SLC39A11: variants seen among roughly 807,000 people sequenced by gnomAD.
SLC39A11 encodes zinc transporter ZIP11.
SLC39A11 carries 33 observed loss-of-function variants against 36.1 expected under a neutral mutation model. The observed-to-expected ratio is 0.91, with a 90% CI of 0.69 to 1.22. The LOEUF (loss-of-function observed/expected upper bound fraction) is 1.22, where lower values mean the gene tolerates loss of function less well. Among genes scored for constraint, SLC39A11 ranks in the 50% most tolerant of loss-of-function variants. The probability of loss-of-function intolerance (pLI) is 0.00; values close to 1 mark genes in which losing one functional copy is unlikely to be tolerated. For synonymous variants in SLC39A11, 166 were observed against 170.3 expected, an observed-to-expected ratio of 0.97 and a Z score of 0.20; for missense variants, 432 against 430.3, an observed-to-expected ratio of 1.00 and a Z score of -0.03.
chr17:72,762,933 T>C (rs779798385), intron 6 of SLC39A11, among the ~76,000 whole-genome samples: 23 of 152,166 alleles, frequency 1.5e-4, no homozygotes, highest in African/African-American at 2.9e-4. Context: ...CGTAGACCAT[T>C]TGGGATGAGG....
At chr17:72,959,325 G>GTATATATATATATA (rs1186282631) in intron 4 of SLC39A11, among the ~76,000 whole-genome samples, 20 of 65,530 alleles carry the variant, frequency 3.1e-4, no homozygotes, top group South Asian at 6.1e-4. Flanking sequence ...GTGTGTGTGT[G>GTATATATATATATA]TATATATATA....
chr17:72,863,321 A>G (rs1027384359), intron 5 of SLC39A11, among the ~76,000 whole-genome samples: 1 of 151,800 alleles, frequency 6.6e-6, no homozygotes, highest in Non-Finnish European at 1.5e-5. Flanking sequence ...AATCTCCCCC[A>G]TTTACCAAGC....
intron 4 of SLC39A11, among the ~76,000 whole-genome samples, chr17:72,950,215 G>A (rs533422688): frequency 1.3e-5 from 2 of 152,322 alleles, no homozygotes; most frequent in South Asian, 2.1e-4. Context: ...ACACCCCCAT[G>A]TAACTTTGTC....
At chr17:72,941,355 C>G (rs1330450591) in intron 5 of SLC39A11, among the ~76,000 whole-genome samples, 2 of 152,160 alleles carry the variant, frequency 1.3e-5, no homozygotes, top group Non-Finnish European at 2.9e-5. Context: ...AGAAACCGAC[C>G]AATCTTGCCA....
intron 4 of SLC39A11, among the ~76,000 whole-genome samples, chr17:72,958,838 G>A (rs912991592): frequency 6.7e-6 from 1 of 149,104 alleles, no homozygotes; most frequent in Non-Finnish European, 1.5e-5. Flanking sequence ...GCGACAGAGC[G>A]AGACTCTGTC....
intron 5 of SLC39A11, among the ~76,000 whole-genome samples, chr17:72,945,933 A>G (rs1292730954): frequency 2.0e-5 from 3 of 152,206 alleles, no homozygotes; most frequent in Non-Finnish European, 2.9e-5. Context: ...CCACCAGCCC[A>G]TGGCCCTGAA....
At chr17:72,692,446 T>C (rs1008175982) in intron 7 of SLC39A11, among the ~76,000 whole-genome samples, 1 of 152,200 alleles carries the variant, frequency 6.6e-6, no homozygotes, top group African/African-American at 2.4e-5. Flanking sequence ...CACTTCCACA[T>C]GGCTGGGGAG....
chr17:72,798,228 C>T (rs2713986), intron 6 of SLC39A11, among the ~76,000 whole-genome samples: 128,907 of 151,920 alleles, frequency 0.85, 55,039 homozygotes, highest in African/African-American at 0.93. Context: ...CAAAGTACCA[C>T]AGACGGAGGG....
intron 3 of SLC39A11, among the ~76,000 whole-genome samples, chr17:73,081,655 ACACAC>A (rs527836400): frequency 0.039 from 5,778 of 146,286 alleles, 303 homozygotes; most frequent in East Asian, 0.2. Flanking sequence ...ACACACACAC[ACACAC>A]ACACACACAC....
chr17:72,870,812 C>T (rs2080573467), intron 5 of SLC39A11, among the ~76,000 whole-genome samples: 1 of 152,228 alleles, frequency 6.6e-6, no homozygotes, highest in Non-Finnish European at 1.5e-5. Flanking sequence ...GCAATCCCCT[C>T]TTCCCTGGCT....
At chr17:72,725,717 G>T (rs1184318823) in intron 7 of SLC39A11, 1 of 152,208 alleles carries the variant, frequency 6.6e-6, no homozygotes, top group African/African-American at 2.4e-5. Flanking sequence ...CTGTCTCTTT[G>T]TAAGGTGAGG....
intron 4 of SLC39A11, among the ~76,000 whole-genome samples, chr17:72,953,134 A>G (rs2085988012): frequency 6.6e-6 from 1 of 151,952 alleles, no homozygotes; most frequent in Non-Finnish European, 1.5e-5. Flanking sequence ...GGCATGAGGT[A>G]CCACCCACCC....
At chr17:72,677,563 T>C (rs1200712680) in intron 7 of SLC39A11, among the ~76,000 whole-genome samples, 7 of 140,096 alleles carry the variant, frequency 5.0e-5, no homozygotes, top group African/African-American at 5.2e-5. Flanking sequence ...AAATGGCATG[T>C]TTTTAACATC....
intron 7 of SLC39A11, among the ~76,000 whole-genome samples, chr17:72,705,065 G>A (rs1457885142): frequency 5.9e-5 from 9 of 152,202 alleles, no homozygotes; most frequent in Admixed American, 3.9e-4. Context: ...TATAATTTGA[G>A]CCTCTGGACC....
chr17:73,053,943 A>C (rs2059586560), intron 3 of SLC39A11, among the ~76,000 whole-genome samples: 1 of 152,164 alleles, frequency 6.6e-6, no homozygotes, highest in South Asian at 2.1e-4. Context: ...TTCCGTATAG[A>C]CTCAGCAGGG....
chr17:72,840,480 T>C (rs1339770001), intron 6 of SLC39A11, among the ~76,000 whole-genome samples: 1 of 152,170 alleles, frequency 6.6e-6, no homozygotes, highest in African/African-American at 2.4e-5. Context: ...ATTAGGCGGC[T>C]GGGAGTGGTG....
At chr17:72,655,824 C>T (rs759812619) in intron 7 of SLC39A11, among the ~76,000 whole-genome samples, 1 of 152,108 alleles carries the variant, frequency 6.6e-6, no homozygotes, top group Non-Finnish European at 1.5e-5. Context: ...ATATTGAGGA[C>T]CCCGTGGCAG....
chr17:73,039,099 A>C (rs1413843490), intron 3 of SLC39A11, among the ~76,000 whole-genome samples: 2 of 152,100 alleles, frequency 1.3e-5, no homozygotes, highest in Non-Finnish European at 2.9e-5. Context: ...AAATAACCTA[A>C]GCTCTCTTCT....
chr17:73,020,797 C>T (rs2058323000), intron 4 of SLC39A11, among the ~76,000 whole-genome samples: 1 of 147,530 alleles, frequency 6.8e-6, no homozygotes, highest in East Asian at 2.1e-4. Context: ...ATTCTCCTGC[C>T]CCAGCCTCCC....
Sources: allele counts gnomAD v4.1 joint callset (sites outside exome capture counted in the v4.1 genomes callset), GRCh38; gene constraint gnomAD v4.1.1; transcripts MANE v1.5; gene names NCBI Gene and HGNC (gene_info 2026-07-23, HGNC 2026-07-21).